The following ACTR3 variants were observed in gnomAD, a reference collection of about 807,000 sequenced individuals.
ACTR3 encodes the protein actin related protein 3.
In ACTR3, 12 loss-of-function variants were observed where a neutral mutation model predicts 56.8. The observed-to-expected ratio is 0.21, with a 90% CI of 0.14 to 0.34. The LOEUF is 0.34. ACTR3 is among the 10% of genes least tolerant of loss of function. ACTR3 has a pLI of 1.00. For synonymous variants in ACTR3, 162 were observed against 167.4 expected, an observed-to-expected ratio of 0.97 and a Z score of 0.25; for missense variants, 282 against 512.5, an observed-to-expected ratio of 0.55 and a Z score of 4.34.
At chr2:113,921,654 A>G (rs1679513881) in intron 3 of ACTR3, among the ~76,000 whole-genome samples, 1 of 152,160 alleles carries the variant, frequency 6.6e-6, no homozygotes, top group South Asian at 2.1e-4. Flanking sequence ...GTATAAGGTG[A>G]GAGCTAGAGG....
rs543046421 is a variant in ACTR3 at position 113,915,803 on chromosome 2, A to C, written c.101-1081A>C. On this transcript the variant is annotated intron_variant, in intron 2 of 11. Coordinates refer to ENST00000263238, the MANE Select transcript of ACTR3 (RefSeq NM_005721.5). Reference sequence around the variant, plus strand: ...ACTAGTTGCAGTATGTTAAAAATTCATTTGCCTGCTGTAAGAAGGTTTTTG... The same window carrying C: ...ACTAGTTGCAGTATGTTAAAAATTCCTTTGCCTGCTGTAAGAAGGTTTTTG... 3.9e-5 allele frequency among the ~76,000 whole-genome samples: 6 copies of C among 152,214 alleles called. 1 individual carries two copies. Among genetic ancestry groups the C allele is most frequent in the African/African-American group, 1.4e-4 (6 of 41,536 alleles).
At position 113,890,247 on chromosome 2, in the gene ACTR3, C is replaced by G. The variant is rs1483482167; in HGVS notation, c.-33C>G. On this transcript the variant is annotated 5_prime_UTR_variant, in exon 1 of 12. Coordinates refer to ENST00000263238, the MANE Select transcript of ACTR3 (RefSeq NM_005721.5). Reference sequence around the variant, plus strand: ...CTGGCCCCTAGCAGCACGGAGCAGACGGCGGCAGCAGCAGCAGCAGGCGAG... The same window carrying G: ...CTGGCCCCTAGCAGCACGGAGCAGAGGGCGGCAGCAGCAGCAGCAGGCGAG... 6.7e-7 allele frequency: 1 copy of G among 1,496,012 alleles called. No homozygotes were observed. The highest frequency in any genetic ancestry group is 9.0e-7 in the Non-Finnish European group (1 of 1,111,608). 92.7% of individuals were successfully genotyped at this position (1,496,012 alleles called of 1,614,324 possible).
Position 113,911,419 on chromosome 2 carries a change from C to CTTTTT in ACTR3, c.45-1739_45-1735dup, listed in dbSNP as rs34495665. Among the ~76,000 whole-genome samples the CTTTTT allele has an allele frequency of 5.2e-4, 61 of 117,816 alleles. 4 individuals carry two copies. Among genetic ancestry groups the CTTTTT allele is most frequent in the Admixed American group, 1.8e-3 (20 of 11,152 alleles). The allele number at this position is 117,816 out of a possible 152,430, so 77.3% of individuals were successfully genotyped here. ...TAATGATTTACTCTTATTTGGCACA[C>CTTTTT]TTTTTTTTTTTTTTTTTTGAGACGA... is the stretch of plus-strand genomic sequence containing the variant. On this transcript the variant is annotated intron_variant, in intron 1 of 11. Coordinates refer to ENST00000263238, the MANE Select transcript of ACTR3 (RefSeq NM_005721.5).
chr2:113,954,206 T>G (rs527704851), intron 10 of ACTR3: 1 of 152,364 alleles, frequency 6.6e-6, no homozygotes, highest in South Asian at 2.1e-4. Context: ...TGAAGTTGTG[T>G]CTGCCAGGTT....
chr2:113,918,566 G>T (rs1412056590), intron 3 of ACTR3, among the ~76,000 whole-genome samples: 20 of 151,392 alleles, frequency 1.3e-4, no homozygotes, highest in African/African-American at 3.6e-4. Context: ...TTGTATTTTT[G>T]GTAGAGATGG....
chr2:113,918,386 CTTT>C (rs59646022), intron 3 of ACTR3, among the ~76,000 whole-genome samples: 6 of 137,692 alleles, frequency 4.4e-5, no homozygotes, highest in Admixed American at 1.5e-4. Flanking sequence ...TCTTTTCTTT[CTTT>C]TTTTTTTTTT....
At chr2:113,890,046 G>A, upstream of ACTR3, 8 of 595,986 alleles carry the variant, frequency 1.3e-5, no homozygotes, top group Non-Finnish European at 2.4e-5. Context: ...GAGAGGGGGA[G>A]GAGGCCGCGG....
intron 1 of ACTR3, among the ~76,000 whole-genome samples, chr2:113,901,927 G>A (rs781381340): frequency 2.0e-5 from 3 of 152,110 alleles, no homozygotes; most frequent in African/African-American, 7.2e-5. Flanking sequence ...AATATCCAAG[G>A]CAAAGGATGT....
chr2:113,949,064 T>A (rs1559489748), intron 8 of ACTR3, among the ~76,000 whole-genome samples: 1 of 151,566 alleles, frequency 6.6e-6, no homozygotes, highest in Non-Finnish European at 1.5e-5. Context: ...AGCCTGTAAA[T>A]AATTTAGAAC....
intron 7 of ACTR3, among the ~76,000 whole-genome samples, chr2:113,941,954 C>T (rs1679931908): frequency 6.6e-6 from 1 of 152,074 alleles, no homozygotes; most frequent in African/African-American, 2.4e-5. Context: ...TCCAGTCTCT[C>T]AAATACTGTT....
chr2:113,951,855 C>G lies in ACTR3; in HGVS notation c.1077+10C>G. 1.2e-6 allele frequency: 2 copies of G among 1,612,664 alleles called. No homozygotes were observed. The highest frequency in any genetic ancestry group is 2.2e-5 in the South Asian group (2 of 90,972). ...TGGTGGTAGATTGAAGGTTGGTTTT[C>G]CCAATTATTGGTGAGAAGGTTGAGG... On this transcript the variant is annotated intron_variant, in intron 10 of 11. Transcript: ENST00000263238.
At chr2:113,946,990 C>T (rs1680034573) in intron 8 of ACTR3, among the ~76,000 whole-genome samples, 1 of 152,178 alleles carries the variant, frequency 6.6e-6, no homozygotes, top group Non-Finnish European at 1.5e-5. Context: ...TGGTCATTTA[C>T]CTTTCCTTTT....
At position 113,958,245 on chromosome 2, in the gene ACTR3, A is replaced by C. The variant is rs1256467237; in HGVS notation, c.*790A>C. ...AGCCTAACATTCTAATAAAGGCACAAATTTCTTTTTAATACTTGTTTCAGC... is the reference window on the plus strand; with the variant it reads ...AGCCTAACATTCTAATAAAGGCACACATTTCTTTTTAATACTTGTTTCAGC... On this transcript the variant is annotated 3_prime_UTR_variant, in exon 12 of 12. Coordinates refer to ENST00000263238, the MANE Select transcript of ACTR3 (RefSeq NM_005721.5). 1 of 152,590 alleles carries C rather than the reference A, an allele frequency of 6.6e-6. No individual in the cohort carries two copies. The highest frequency in any genetic ancestry group is 1.5e-5 in the Non-Finnish European group (1 of 67,994). The allele number at this position is 152,590 out of a possible 1,614,324, so 9.5% of individuals were successfully genotyped here.
chr2:113,914,286 T>A (rs1216708574), intron 2 of ACTR3, among the ~76,000 whole-genome samples: 1 of 152,202 alleles, frequency 6.6e-6, no homozygotes, highest in Non-Finnish European at 1.5e-5. Flanking sequence ...ATTTGTGTAG[T>A]AAGAACAAAA....
chr2:113,953,500 A>G (rs1680156523), intron 10 of ACTR3: 1 of 152,060 alleles, frequency 6.6e-6, no homozygotes, highest in African/African-American at 2.4e-5. Context: ...TATAGGAAAA[A>G]CCTTGTGTTT....
At chr2:113,903,267 G>A in intron 1 of ACTR3, among the ~76,000 whole-genome samples, 1 of 152,204 alleles carries the variant, frequency 6.6e-6, no homozygotes, top group African/African-American at 2.4e-5. Context: ...GCCTAAGTGT[G>A]GTTTTCTTTA....
In ACTR3 at chr2:113,920,824, C is replaced by CT. The variant is rs1052708348; in HGVS notation, c.225+3823dup. On this transcript the variant is annotated intron_variant, in intron 3 of 11. Coordinates refer to ENST00000263238, the MANE Select transcript of ACTR3 (RefSeq NM_005721.5). ...TTGCCAGGAATGACAGGATTTCACTCTTTTTTTATGGTTGAATAGTATTGT... is the reference window on the plus strand; with the variant it reads ...TTGCCAGGAATGACAGGATTTCACTCTTTTTTTTATGGTTGAATAGTATTGT... 2.6e-5 allele frequency among the ~76,000 whole-genome samples: 4 copies of CT among 152,160 alleles called. No homozygotes were observed. In the South Asian group the frequency reaches 8.3e-4, roughly 32 times the overall value.
At chr2:113,949,680 G>A (rs1680087760) in intron 8 of ACTR3, among the ~76,000 whole-genome samples, 2 of 152,138 alleles carry the variant, frequency 1.3e-5, no homozygotes, top group South Asian at 4.1e-4. Context: ...TTTTTCCTCA[G>A]CCCTCTCAAG....
chr2:113,910,672 T>TTGGGAG (rs1198123829), intron 1 of ACTR3, among the ~76,000 whole-genome samples: 3 of 152,192 alleles, frequency 2.0e-5, no homozygotes, highest in Non-Finnish European at 4.4e-5. Context: ...TTTTTTGTTG[T>TTGGGAG]TGGGAGAAAC....
Sources: gnomAD v4.1 joint callset for allele counts (sites outside exome capture counted in the v4.1 genomes callset) on GRCh38, gnomAD v4.1.1 for gene constraint, MANE v1.5 for transcripts, NCBI Gene and HGNC (gene_info 2026-07-23, HGNC 2026-07-21) for gene names.